Variants in ADAM19 observed in about 807,000 individuals in gnomAD.
The protein encoded by ADAM19 is ADAM metallopeptidase domain 19.
A neutral mutation model predicts 114.7 loss-of-function variants in ADAM19; 65 were observed. That is an observed-to-expected ratio of 0.57 (90% CI 0.46 to 0.70). The LOEUF is 0.70. Among genes scored for constraint, ADAM19 ranks in the 30% least tolerant of loss-of-function variants. The pLI, the probability that ADAM19 is intolerant of heterozygous loss-of-function variation, is 0.00. For synonymous variants in ADAM19, 466 were observed against 460.5 expected, an observed-to-expected ratio of 1.01 and a Z score of -0.15; for missense variants, 1,063 against 1,204.7, an observed-to-expected ratio of 0.88 and a Z score of 1.74.
intron 3 of ADAM19, among the ~76,000 whole-genome samples, chr5:157,549,529 C>T (rs1407473522): frequency 6.6e-6 from 1 of 152,194 alleles, no homozygotes; most frequent in African/African-American, 2.4e-5. Context: ...CATCAAAAGC[C>T]TCCCATCATT....
intron 4 of ADAM19, among the ~76,000 whole-genome samples, chr5:157,536,362 T>A (rs1157867006): frequency 2.6e-5 from 4 of 151,988 alleles, no homozygotes; most frequent in Admixed American, 2.6e-4. Context: ...GCGCAGTGGA[T>A]CATGCCTATA....
At chr5:157,519,235 A>G (rs1007733925) in intron 6 of ADAM19, among the ~76,000 whole-genome samples, 1 of 152,180 alleles carries the variant, frequency 6.6e-6, no homozygotes, top group African/African-American at 2.4e-5. Flanking sequence ...ACACCATGCC[A>G]TTTTCAGTAT....
intron 1 of ADAM19, among the ~76,000 whole-genome samples, chr5:157,573,624 T>A (rs2113804940): frequency 6.6e-6 from 1 of 151,754 alleles, no homozygotes; most frequent in East Asian, 1.9e-4. Context: ...CACATGCCAA[T>A]AAGCCCAGCT....
intron 5 of ADAM19, among the ~76,000 whole-genome samples, chr5:157,523,311 G>A (rs1756356119): frequency 6.6e-6 from 1 of 152,156 alleles, no homozygotes; most frequent in South Asian, 2.1e-4. Flanking sequence ...TGAAAACATA[G>A]GTATCCAGGT....
In ADAM19 at chr5:157,499,621, CAG is replaced by C; in HGVS notation, c.1348_1349del (p.Leu450GlufsTer16). The part of the protein sequence containing the change: ...NPCCNASNCT[L>X]RPGAECAHGS... ...CGTGAGCACACTCCGCCCCCGGCCT[CAG>C]GGTACAATTAGAGGCATTGCAGCAG... On this transcript the variant is annotated frameshift_variant, in exon 13 of 23. Transcript: ENST00000257527. LOFTEE classifies it high-confidence loss of function. The C allele has an allele frequency of 6.2e-7, 1 of 1,613,422 alleles. No individual in the cohort carries two copies. Among genetic ancestry groups the C allele is most frequent in the South Asian group, 1.1e-5 (1 of 90,922 alleles).
intron 21 of ADAM19, among the ~76,000 whole-genome samples, chr5:157,485,191 T>C (rs1227411610): frequency 6.6e-6 from 1 of 152,248 alleles, no homozygotes; most frequent in Non-Finnish European, 1.5e-5. Flanking sequence ...CAGCCCTGCC[T>C]ACTCCCTGCT....
chr5:157,523,708 T>A (rs972887834), intron 5 of ADAM19, among the ~76,000 whole-genome samples: 2 of 152,180 alleles, frequency 1.3e-5, no homozygotes, highest in African/African-American at 4.8e-5. Flanking sequence ...CTTTTCTTTA[T>A]AAATTACCCA....
At position 157,489,738 on chromosome 5, in the gene ADAM19, C is replaced by G. The variant is rs907158794; in HGVS notation, c.2241-552G>C. Among the ~76,000 whole-genome samples, 21 of 152,354 alleles carry G rather than the reference C, an allele frequency of 1.4e-4. 1 individual carries two copies. The highest frequency in any genetic ancestry group is 8.5e-4 in the Admixed American group (13 of 15,314). On this transcript the variant is annotated intron_variant, in intron 19 of 22. Coordinates refer to ENST00000257527, the MANE Select transcript of ADAM19 (RefSeq NM_033274.5). ...TGGTGGCTCATGCTTGTAATCCCAG[C>G]ATTTTGGGAGGCCAAAGCGGGCAGA...
chr5:157,521,073 G>A (rs567251269), intron 5 of ADAM19, among the ~76,000 whole-genome samples: 4 of 152,298 alleles, frequency 2.6e-5, no homozygotes, highest in Non-Finnish European at 5.9e-5. Context: ...AACAGAGAGA[G>A]CAAAAAGTTT....
At chr5:157,522,001 C>G (rs1349802637) in intron 5 of ADAM19, among the ~76,000 whole-genome samples, 1 of 152,312 alleles carries the variant, frequency 6.6e-6, no homozygotes, top group South Asian at 2.1e-4. Context: ...TGGAGGTTCA[C>G]AAGGCGCAAC....
chr5:157,540,361 T>C (rs892708007), intron 3 of ADAM19, among the ~76,000 whole-genome samples: 1 of 152,086 alleles, frequency 6.6e-6, no homozygotes, highest in Non-Finnish European at 1.5e-5. Flanking sequence ...GAGTTCAGAG[T>C]TTAATAGTTC....
At chr5:157,556,843 G>A (rs1396440851) in intron 3 of ADAM19, among the ~76,000 whole-genome samples, 6 of 152,140 alleles carry the variant, frequency 3.9e-5, no homozygotes, top group East Asian at 1.9e-4. Flanking sequence ...TGCCTTTTCC[G>A]AAGTATCCAT....
chr5:157,562,470 G>A (rs1211244948), intron 3 of ADAM19, among the ~76,000 whole-genome samples: 1 of 152,136 alleles, frequency 6.6e-6, no homozygotes, highest in Non-Finnish European at 1.5e-5. Context: ...CTCACCATGC[G>A]CTGTGCAAGC....
At chr5:157,529,809 C>A (rs1756573585) in intron 5 of ADAM19, among the ~76,000 whole-genome samples, 1 of 152,192 alleles carries the variant, frequency 6.6e-6, no homozygotes, top group East Asian at 1.9e-4. Flanking sequence ...TAAACTGCTA[C>A]CAGCTCAAAG....
intron 13 of ADAM19, among the ~76,000 whole-genome samples, chr5:157,498,415 C>A (rs1755434349): frequency 6.6e-6 from 1 of 152,212 alleles, no homozygotes; most frequent in Non-Finnish European, 1.5e-5. Flanking sequence ...GCCTTGGGCA[C>A]CTGCTGTGTA....
rs11465265 is a variant in ADAM19, at chr5:157,564,317, C to T, written c.251+56G>A. ...CTTCCAGAACAGCGACACCTGCGTC[C>T]GGCGTTGACACAGAAGTTATTTGTT... On this transcript the variant is annotated intron_variant, in intron 3 of 22. Coordinates refer to ENST00000257527, the MANE Select transcript of ADAM19 (RefSeq NM_033274.5). 7.4e-3 allele frequency: 11,166 copies of T among 1,517,406 alleles called. 61 individuals carry two copies. Among genetic ancestry groups the T allele is most frequent in the Non-Finnish European group, 9.1e-3 (9,988 of 1,091,946 alleles). The allele number at this position is 1,517,406 out of a possible 1,614,324, so 94.0% of individuals were successfully genotyped here.
chr5:157,489,209 G>A (rs1250186558), intron 19 of ADAM19, 23 bp from the exon 20 acceptor site: 2 of 1,559,320 alleles, frequency 1.3e-6, no homozygotes, highest in Non-Finnish European at 1.8e-6. Flanking sequence ...AATGGGGGAG[G>A]AAAAGAAAGG....
chr5:157,480,935 C>T lies in ADAM19; in HGVS notation c.*14G>A, dbSNP rs573977210. On this transcript the variant is annotated 3_prime_UTR_variant, in exon 23 of 23. Coordinates refer to ENST00000257527, the MANE Select transcript of ADAM19 (RefSeq NM_033274.5). Reference sequence around the variant, plus strand: ...CAGAGAGCTCAAGGAAAGGGAGAAGCCCCTTGGACAGGTCTAGATTTTCGA... The same window carrying T: ...CAGAGAGCTCAAGGAAAGGGAGAAGTCCCTTGGACAGGTCTAGATTTTCGA... The T allele has an allele frequency of 2.2e-5, 35 of 1,614,106 alleles. No homozygotes were observed. In the African/African-American group the frequency reaches 2.4e-4, roughly 11 times the overall value.
chr5:157,499,612 C>T lies in ADAM19; in HGVS notation c.1359G>A (p.Gly453=), dbSNP rs1258203749. The change falls in exon 13 of 23, where the codon GGG becomes GGA. Residue 453 remains glycine (G), a synonymous_variant. Coordinates refer to ENST00000257527, the MANE Select transcript of ADAM19 (RefSeq NM_033274.5). ...CNASNCTLRP[G]AECAHGSCCH... ...AGCAGGAGCCGTGAGCACACTCCGC[C>T]CCCGGCCTCAGGGTACAATTAGAGG... 1 of 1,613,486 alleles carries T rather than the reference C, an allele frequency of 6.2e-7. No individual in the cohort carries two copies. Among genetic ancestry groups the T allele is most frequent in the East Asian group, 2.2e-5 (1 of 44,856 alleles).
Sources: allele counts gnomAD v4.1 joint callset (sites outside exome capture counted in the v4.1 genomes callset), GRCh38; gene constraint gnomAD v4.1.1; transcripts MANE v1.5; gene names NCBI Gene and HGNC (gene_info 2026-07-23, HGNC 2026-07-21).